CSMD3: variants seen among roughly 807,000 people sequenced by gnomAD.
The protein encoded by CSMD3 is CUB and Sushi multiple domains 3.
CSMD3 carries 177 observed loss-of-function variants against 435.2 expected under a neutral mutation model. The ratio of observed to expected loss-of-function variants is 0.41; its 90% confidence interval spans 0.36 to 0.46. The LOEUF is 0.46. Ranked by LOEUF, CSMD3 falls within the 20% of genes least tolerant of loss-of-function variation. CSMD3 has a pLI of 0.34. For missense variants in CSMD3, 4,265 were observed against 4,504.6 expected (o/e 0.95, Z 1.52); for synonymous variants, 1,656 against 1,520.5 (o/e 1.09, Z -2.07).
intron 4 of CSMD3, among the ~76,000 whole-genome samples, chr8:113,152,929 C>A (rs2131794528): frequency 6.6e-6 from 1 of 150,922 alleles, no homozygotes; most frequent in Non-Finnish European, 1.5e-5. Flanking sequence ...CGTGATTGCA[C>A]CACTGCACTC....
intron 13 of CSMD3, among the ~76,000 whole-genome samples, chr8:112,758,777 G>A (rs2077765101): frequency 6.6e-6 from 1 of 152,138 alleles, no homozygotes; most frequent in South Asian, 2.1e-4. Flanking sequence ...TGCACATGAA[G>A]ATTTTAACAT....
At chr8:112,779,253 G>T (rs538840901) in intron 13 of CSMD3, among the ~76,000 whole-genome samples, 1 of 151,026 alleles carries the variant, frequency 6.6e-6, no homozygotes, top group South Asian at 2.1e-4. Flanking sequence ...TTAATATGTG[G>T]GTTAATCTTT....
At chr8:113,348,143 T>C (rs1284351775) in intron 1 of CSMD3, among the ~76,000 whole-genome samples, 1 of 152,192 alleles carries the variant, frequency 6.6e-6, no homozygotes, top group Non-Finnish European at 1.5e-5. Context: ...GCGTTTAGCA[T>C]ACTATTGTTA....
chr8:112,385,911 G>A (rs949271638), intron 36 of CSMD3, among the ~76,000 whole-genome samples: 93 of 102,320 alleles, frequency 9.1e-4, no homozygotes, highest in African/African-American at 2.3e-3. Context: ...GAGATATCAG[G>A]TTCTGATCTC....
chr8:112,387,545 TC>T (rs954493490), intron 36 of CSMD3, among the ~76,000 whole-genome samples: 4 of 150,694 alleles, frequency 2.7e-5, no homozygotes, highest in African/African-American at 9.7e-5. Context: ...AAAACTAGCA[TC>T]CATGTAAATG....
chr8:112,638,145 T>C (rs576868055), intron 21 of CSMD3, among the ~76,000 whole-genome samples: 314 of 149,706 alleles, frequency 2.1e-3, no homozygotes, highest in Middle Eastern at 3.6e-3. Flanking sequence ...AATTTGATTA[T>C]AGATTATAGA....
chr8:113,091,958 G>A (rs1004467665), intron 5 of CSMD3, among the ~76,000 whole-genome samples: 2 of 151,760 alleles, frequency 1.3e-5, no homozygotes, highest in African/African-American at 2.4e-5. Flanking sequence ...TATCACATAG[G>A]TTTTGTATAC....
At chr8:113,261,227 T>C (rs770000477) in intron 3 of CSMD3, among the ~76,000 whole-genome samples, 4 of 152,126 alleles carry the variant, frequency 2.6e-5, no homozygotes, top group East Asian at 1.9e-4. Context: ...AAAATAATAA[T>C]CTGTTATAGT....
chr8:113,068,801 A>AT (rs1423651708), intron 5 of CSMD3, among the ~76,000 whole-genome samples: 1 of 151,022 alleles, frequency 6.6e-6, no homozygotes, highest in African/African-American at 2.4e-5. Flanking sequence ...TGTTCTTGCT[A>AT]TTTTTTTCTT....
At chr8:113,239,089 G>A (rs183687167) in intron 3 of CSMD3, among the ~76,000 whole-genome samples, 19 of 152,176 alleles carry the variant, frequency 1.2e-4, no homozygotes, top group Non-Finnish European at 2.1e-4. Flanking sequence ...TTTCTTGCCT[G>A]TCCGCCTTGA....
intron 22 of CSMD3, among the ~76,000 whole-genome samples, chr8:112,621,000 G>T (rs952251659): frequency 3.3e-5 from 5 of 152,134 alleles, no homozygotes; most frequent in African/African-American, 4.8e-5. Flanking sequence ...ACTTTGGTAG[G>T]CCGAGGTGGG....
At chr8:113,433,551 G>C (rs945337834) in intron 1 of CSMD3, among the ~76,000 whole-genome samples, 3 of 152,212 alleles carry the variant, frequency 2.0e-5, no homozygotes, top group African/African-American at 7.2e-5. Context: ...CTCAGAGCAC[G>C]CAGAAACGTG....
rs376328783 is a variant in CSMD3, at chr8:113,314,589, G to A, written c.383C>T (p.Pro128Leu). Residue 128 changes from proline (P) to leucine (L), a missense_variant, in exon 2 of 71, where the codon CCT becomes CTT. Around this residue, in one of 3 missense-constraint regions of CSMD3, gnomAD observed 731 missense variants for 755.4 expected, o/e 0.97. Coordinates refer to ENST00000297405, the MANE Select transcript of CSMD3 (RefSeq NM_198123.2). ...CACTAACCTTGTCCTAAAGTTTGTA[G>A]GATGAGGATGTCCATCATATAATGA... is the stretch of plus-strand genomic sequence containing the variant. ...YLSLYDGHPH[P>L]TNFRTRLTGF... 2 of 1,600,256 alleles carry A rather than the reference G, an allele frequency of 1.2e-6. No homozygotes were observed. Among genetic ancestry groups the A allele is most frequent in the Non-Finnish European group, 1.7e-6 (2 of 1,167,724 alleles).
intron 5 of CSMD3, among the ~76,000 whole-genome samples, chr8:113,076,996 G>C (rs1257166956): frequency 6.6e-6 from 1 of 152,142 alleles, no homozygotes; most frequent in African/African-American, 2.4e-5. Context: ...GAAGAGAAGT[G>C]GCTGTGGCTA....
At chr8:113,328,740 T>TTTTTTTTTTTTG (rs2094004286) in intron 1 of CSMD3, among the ~76,000 whole-genome samples, 2 of 109,258 alleles carry the variant, frequency 1.8e-5, no homozygotes, top group South Asian at 7.1e-4. Flanking sequence ...CTTTTCTTTT[T>TTTTTTTTTTTTG]TTTTTTTTTT....
intron 1 of CSMD3, among the ~76,000 whole-genome samples, chr8:113,334,277 G>GCT (rs1441148903): frequency 7.6e-5 from 6 of 78,750 alleles, no homozygotes; most frequent in Non-Finnish European, 1.7e-4. Context: ...GATAGTTTAA[G>GCT]TTTTTTTTTT....
At chr8:113,347,313 A>G (rs750773999) in intron 1 of CSMD3, among the ~76,000 whole-genome samples, 4 of 152,022 alleles carry the variant, frequency 2.6e-5, no homozygotes, top group Non-Finnish European at 5.9e-5. Context: ...ATCTTAACCT[A>G]GTGCTAATAA....
At chr8:112,321,545 G>C (rs186310165) in intron 45 of CSMD3, among the ~76,000 whole-genome samples, 10 of 152,186 alleles carry the variant, frequency 6.6e-5, no homozygotes, top group African/African-American at 2.2e-4. Context: ...TAAAATCATT[G>C]ATTCATCATC....
rs1446788003 is a variant in CSMD3, at chr8:112,708,619, A to G, written c.1973-18569T>C. The stretch of plus-strand genomic sequence containing the variant: ...TATAAAAATATATGGCAAAGTAACA[A>G]GTTTTATGGGTTGTTAGGGTAATGC... On this transcript the variant is annotated intron_variant, in intron 13 of 70. Transcript: ENST00000297405. Among the ~76,000 whole-genome samples, 5 of 151,224 alleles carry G rather than the reference A, an allele frequency of 3.3e-5. No individual in the cohort carries two copies. The East Asian group carries it at 9.7e-4, about 29-fold the overall frequency.
Sources: allele counts gnomAD v4.1 joint callset (sites outside exome capture counted in the v4.1 genomes callset), GRCh38; gene constraint gnomAD v4.1.1; regional missense constraint gnomAD v4.1.1; transcripts MANE v1.5; gene names NCBI Gene and HGNC (gene_info 2026-07-23, HGNC 2026-07-21).